The following ARHGAP10 variants were observed in gnomAD, a reference collection of about 807,000 sequenced individuals.
The protein encoded by ARHGAP10 is Rho GTPase activating protein 10, also known as rho GTPase-activating protein 10.
ARHGAP10 carries 87 observed loss-of-function variants against 108.6 expected under a neutral mutation model. That is an observed-to-expected ratio of 0.80 (90% CI 0.67 to 0.96). The LOEUF is 0.96. Among genes scored for constraint, ARHGAP10 ranks in the 40% least tolerant of loss-of-function variants. The pLI is 0.00. For missense variants in ARHGAP10, 939 were observed against 954.5 expected, an observed-to-expected ratio of 0.98 and a Z score of 0.21; for synonymous variants, 347 against 341.1, an observed-to-expected ratio of 1.02 and a Z score of -0.19.
In ARHGAP10 at chr4:147,744,007, C is replaced by CTA. The variant is rs573855814; in HGVS notation, c.154+11554_154+11555dup. Among the ~76,000 whole-genome samples the CTA allele has an allele frequency of 3.9e-3, 594 of 152,228 alleles. 5 individuals carry two copies. Among genetic ancestry groups the CTA allele is most frequent in the African/African-American group, 0.013 (555 of 41,530 alleles). ...GTGTCATCTTGTCACTGAACTCTAG[C>CTA]TATGGTGGGCTAGTTGCTAGAGGTT... is the stretch of plus-strand genomic sequence containing the variant. On this transcript the variant is annotated intron_variant, in intron 1 of 22. Transcript: ENST00000336498.
chr4:148,071,872 A>C lies in ARHGAP10; in HGVS notation c.2273-121A>C, dbSNP rs564944261. ...GACCCTGGTGCAGACTTTGTGACCC[A>C]ACATCCCAGAAGTGGCCCCTGTTCT... On this transcript the variant is annotated intron_variant, in intron 22 of 22. Coordinates refer to ENST00000336498, the MANE Select transcript of ARHGAP10 (RefSeq NM_024605.4). 1,328 of 740,686 alleles carry C rather than the reference A, an allele frequency of 1.8e-3. 5 individuals are homozygous for C. Among genetic ancestry groups the C allele is most frequent in the Non-Finnish European group, 2.4e-3 (1,098 of 448,410 alleles). The allele number at this position is 740,686 out of a possible 1,614,324, so 45.9% of individuals were successfully genotyped here.
At chr4:147,735,344 G>A (rs1212610344) in intron 1 of ARHGAP10, among the ~76,000 whole-genome samples, 17 of 152,202 alleles carry the variant, frequency 1.1e-4, no homozygotes. Context: ...TTAGTGACAA[G>A]TATTCTAACT....
chr4:148,004,011 C>T (rs745798785), intron 18 of ARHGAP10, among the ~76,000 whole-genome samples: 6 of 114,156 alleles, frequency 5.3e-5, no homozygotes, highest in South Asian at 5.8e-4. Flanking sequence ...GTACTGCTGG[C>T]GGGGGTGTGA....
intron 19 of ARHGAP10, among the ~76,000 whole-genome samples, chr4:148,033,801 C>A (rs1728255969): frequency 6.6e-6 from 1 of 152,184 alleles, no homozygotes; most frequent in African/African-American, 2.4e-5. Flanking sequence ...ACTTCATTGG[C>A]ACTAACTGAG....
chr4:147,869,845 G>T (rs934685013), intron 7 of ARHGAP10, among the ~76,000 whole-genome samples: 3 of 151,714 alleles, frequency 2.0e-5, no homozygotes, highest in Admixed American at 6.6e-5. Flanking sequence ...TGAAAAGCAG[G>T]TCACTCATTC....
At chr4:147,749,273 C>T (rs1431340807) in intron 1 of ARHGAP10, among the ~76,000 whole-genome samples, 1 of 152,006 alleles carries the variant, frequency 6.6e-6, no homozygotes, top group East Asian at 1.9e-4. Context: ...ATAATAGAAC[C>T]CCTGACCAGA....
chr4:148,010,379 C>T (rs1003472412), intron 18 of ARHGAP10, among the ~76,000 whole-genome samples: 2 of 152,056 alleles, frequency 1.3e-5, no homozygotes, highest in Non-Finnish European at 2.9e-5. Flanking sequence ...AGTGTTTAAT[C>T]CCTTTAACCA....
intron 18 of ARHGAP10, among the ~76,000 whole-genome samples, chr4:147,971,271 A>G (rs184891620): frequency 1.3e-5 from 2 of 152,264 alleles, no homozygotes; most frequent in African/African-American, 4.8e-5. Flanking sequence ...TCTGTTCTTA[A>G]CAGAGTATAC....
At chr4:147,937,256 A>G (rs55752555) in intron 13 of ARHGAP10, among the ~76,000 whole-genome samples, 31,093 of 152,118 alleles carry the variant, frequency 0.2, 7,087 homozygotes, top group African/African-American at 0.55. Context: ...GCATGGGGAT[A>G]GCTGTCTTCT....
chr4:147,739,261 A>G (rs955364886), intron 1 of ARHGAP10, among the ~76,000 whole-genome samples: 2 of 152,108 alleles, frequency 1.3e-5, no homozygotes, highest in Non-Finnish European at 2.9e-5. Flanking sequence ...AATATTTTCT[A>G]GAATTTATTT....
In ARHGAP10 at chr4:147,956,934, G is replaced by T. The variant is rs143765476; in HGVS notation, c.1450+1560G>T. Reference sequence around the variant, plus strand: ...CAAATGAAGAGGTTCCTAAGAGGTAGGAGCTTATATCTTAAGAGGTAATAA... The same window carrying T: ...CAAATGAAGAGGTTCCTAAGAGGTATGAGCTTATATCTTAAGAGGTAATAA... On this transcript the variant is annotated intron_variant, in intron 16 of 22. Coordinates refer to ENST00000336498, the MANE Select transcript of ARHGAP10 (RefSeq NM_024605.4). 1.4e-3 allele frequency among the ~76,000 whole-genome samples: 213 copies of T among 152,164 alleles called. 1 individual carries two copies. The highest frequency in any genetic ancestry group is 4.5e-3 in the African/African-American group (188 of 41,526).
chr4:147,987,529 G>A (rs1740090662), intron 18 of ARHGAP10, among the ~76,000 whole-genome samples: 1 of 152,182 alleles, frequency 6.6e-6, no homozygotes, highest in Non-Finnish European at 1.5e-5. Context: ...GCTCACTGTG[G>A]ACATGAACCC....
At chr4:148,069,820 C>T (rs546188325) in intron 22 of ARHGAP10, among the ~76,000 whole-genome samples, 1 of 152,268 alleles carries the variant, frequency 6.6e-6, no homozygotes, top group South Asian at 2.1e-4. Flanking sequence ...CCACTCAGGC[C>T]CCCACATTGT....
intron 1 of ARHGAP10, among the ~76,000 whole-genome samples, chr4:147,736,120 CTGTGTGTG>C (rs10644088): frequency 1.2e-4 from 18 of 144,634 alleles, no homozygotes; most frequent in African/African-American, 2.3e-4. Context: ...AATTGTCTAG[CTGTGTGTG>C]TGTGTGTGTG....
At chr4:147,735,241 A>G (rs750433207) in intron 1 of ARHGAP10, among the ~76,000 whole-genome samples, 1 of 152,208 alleles carries the variant, frequency 6.6e-6, no homozygotes, top group African/African-American at 2.4e-5. Flanking sequence ...AATTACTTCA[A>G]TCTAAGGAAC....
At chr4:147,875,814 G>GA (rs977359674) in intron 8 of ARHGAP10, among the ~76,000 whole-genome samples, 9 of 152,138 alleles carry the variant, frequency 5.9e-5, no homozygotes, top group Middle Eastern at 3.2e-3. Context: ...TTCTCATTTT[G>GA]AAAATTAAAA....
intron 1 of ARHGAP10, among the ~76,000 whole-genome samples, chr4:147,772,194 G>T (rs1415985744): frequency 2.0e-5 from 3 of 152,178 alleles, no homozygotes; most frequent in African/African-American, 7.2e-5. Flanking sequence ...TTTAAACTGC[G>T]CTAGGCCCTT....
At chr4:147,822,604 A>C in intron 1 of ARHGAP10, 123 bp from the exon 2 acceptor site, 1 of 958,416 alleles carries the variant, frequency 1.0e-6, no homozygotes, top group South Asian at 1.6e-5. Flanking sequence ...GAGTTGGGTC[A>C]TGCCTTCTCA....
intron 10 of ARHGAP10, among the ~76,000 whole-genome samples, chr4:147,882,353 C>T (rs992607556): frequency 2.6e-5 from 4 of 151,814 alleles, no homozygotes; most frequent in African/African-American, 9.7e-5. Context: ...GTCCCAGCTA[C>T]ATGGGAGGCT....
Sources: gnomAD v4.1 joint callset for allele counts (sites outside exome capture counted in the v4.1 genomes callset) on GRCh38, gnomAD v4.1.1 for gene constraint, MANE v1.5 for transcripts, NCBI Gene and HGNC (gene_info 2026-07-23, HGNC 2026-07-21) for gene names.